The following ARID1B variants were observed in gnomAD, a reference collection of about 807,000 sequenced individuals.
ARID1B encodes AT-rich interaction domain 1B.
Under a neutral mutation model 212.3 loss-of-function variants are expected in ARID1B, and 30 were observed. The observed-to-expected ratio is 0.14, with a 90% confidence interval of 0.11 to 0.19. The LOEUF (loss-of-function observed/expected upper bound fraction) is 0.19. Ranked by LOEUF, ARID1B falls within the 10% of genes least tolerant of loss-of-function variation. The pLI is 1.00. For synonymous variants in ARID1B, 1,402 were observed against 1,301.7 expected (o/e 1.08, Z -1.66); for missense variants, 2,891 against 3,204.0 (o/e 0.90, Z 2.36).
chr6:156,946,059 T>A (rs1248048873), intron 4 of ARID1B, among the ~76,000 whole-genome samples: 2 of 151,604 alleles, frequency 1.3e-5, no homozygotes, highest in African/African-American at 2.4e-5. Flanking sequence ...AAACTGCTAG[T>A]AAAAGAAGAA....
chr6:157,138,834 T>C (rs1415632232), intron 7 of ARID1B, among the ~76,000 whole-genome samples: 1 of 152,240 alleles, frequency 6.6e-6, no homozygotes, highest in African/African-American at 2.4e-5. Context: ...TTCCTTCTTC[T>C]ATACTGTTAT....
intron 8 of ARID1B, among the ~76,000 whole-genome samples, chr6:157,161,435 A>G (rs1017254387): frequency 7.8e-4 from 112 of 143,296 alleles, no homozygotes; most frequent in African/African-American, 1.7e-3. Flanking sequence ...GTGTGTGTAT[A>G]TATATATATA....
intron 1 of ARID1B, among the ~76,000 whole-genome samples, chr6:156,780,733 A>G (rs759456951): frequency 6.6e-6 from 1 of 152,266 alleles, no homozygotes; most frequent in African/African-American, 2.4e-5. Flanking sequence ...AGAGGATCAA[A>G]TACAGAAAAA....
At chr6:156,855,448 A>G (rs1784848478) in intron 2 of ARID1B, among the ~76,000 whole-genome samples, 1 of 152,224 alleles carries the variant, frequency 6.6e-6, no homozygotes, top group Admixed American at 6.5e-5. Flanking sequence ...AAAACACTGC[A>G]GGCCCGTCCA....
Position 156,978,483 on chromosome 6 carries a change from C to A in ARID1B, c.2247+42907C>A, listed in dbSNP as rs541937805. On this transcript the variant is annotated intron_variant, in intron 4 of 19. Coordinates refer to ENST00000636930, the MANE Select transcript of ARID1B (RefSeq NM_001374828.1). ...CAAAAGGGAAACAGGATTTTGATTT[C>A]TTCATAGCTGTTATGGACAGAATTT... Among the ~76,000 whole-genome samples the A allele has an allele frequency of 9.8e-5, 15 of 152,302 alleles. No individual in the cohort carries two copies. The East Asian group carries it at 2.7e-3, about 27-fold the overall frequency.
intron 5 of ARID1B, chr6:157,107,663 A>G (rs186847125): frequency 1.3e-5 from 2 of 152,274 alleles, no homozygotes; most frequent in Admixed American, 1.3e-4. Flanking sequence ...ATTTTTTTCC[A>G]TTATGCTTAC....
intron 7 of ARID1B, among the ~76,000 whole-genome samples, chr6:157,133,461 G>T (rs903279702): frequency 2.0e-5 from 3 of 152,184 alleles, no homozygotes; most frequent in African/African-American, 7.2e-5. Flanking sequence ...TGTGTTACTA[G>T]TGAAGTAGGG....
chr6:157,121,254 AT>A (rs1787689505), intron 6 of ARID1B, among the ~76,000 whole-genome samples: 1 of 152,190 alleles, frequency 6.6e-6, no homozygotes, highest in African/African-American at 2.4e-5. Context: ...AACTGGACCC[AT>A]CCCTGGCGAT....
At chr6:157,165,826 G>A (rs1483687469) in intron 8 of ARID1B, among the ~76,000 whole-genome samples, 1 of 152,034 alleles carries the variant, frequency 6.6e-6, no homozygotes, top group Non-Finnish European at 1.5e-5. Context: ...CTTCAGCCTG[G>A]GCGACAGAAT....
chr6:157,176,588 A>G (rs957301914), intron 11 of ARID1B, among the ~76,000 whole-genome samples: 8 of 152,208 alleles, frequency 5.3e-5, no homozygotes, highest in Non-Finnish European at 1.2e-4. Context: ...GCTCACGCCT[A>G]TAATCCCAGC....
intron 4 of ARID1B, among the ~76,000 whole-genome samples, chr6:157,039,664 T>A (rs1583196476): frequency 2.1e-5 from 2 of 94,558 alleles, no homozygotes; most frequent in African/African-American, 4.0e-5. Flanking sequence ...CTTCCTTCCT[T>A]CCTTCCTTCC....
intron 4 of ARID1B, among the ~76,000 whole-genome samples, chr6:156,979,602 G>C (rs916359766): frequency 1.3e-5 from 2 of 151,838 alleles, no homozygotes; most frequent in Admixed American, 6.6e-5. Context: ...TCTGTCGCCA[G>C]GCTGGAGTGC....
chr6:157,145,030 G>A (rs866095227), intron 7 of ARID1B, among the ~76,000 whole-genome samples: 57 of 152,264 alleles, frequency 3.7e-4, no homozygotes, highest in African/African-American at 1.3e-3. Flanking sequence ...AGGTGTCTGC[G>A]CTGTGCCTCT....
chr6:157,135,134 T>C (rs1477561677), intron 7 of ARID1B, among the ~76,000 whole-genome samples: 1 of 151,990 alleles, frequency 6.6e-6, no homozygotes, highest in Non-Finnish European at 1.5e-5. Context: ...TATCATTGAA[T>C]GTGAAGACTC....
At chr6:156,931,961 T>TAAAAAAA (rs56102774) in intron 3 of ARID1B, among the ~76,000 whole-genome samples, 2 of 97,414 alleles carry the variant, frequency 2.1e-5, no homozygotes, top group Non-Finnish European at 4.0e-5. Context: ...GATTCCGTCT[T>TAAAAAAA]AAAAAAAAAA....
intron 2 of ARID1B, among the ~76,000 whole-genome samples, chr6:156,857,319 C>T (rs1444600780): frequency 1.3e-5 from 2 of 152,306 alleles, no homozygotes; most frequent in East Asian, 3.9e-4. Flanking sequence ...AGTGTCAGTG[C>T]CCTGGTCCCC....
In ARID1B at chr6:156,785,618, A is replaced by G. The variant is rs188113077; in HGVS notation, c.1791+6147A>G. 4.4e-3 allele frequency among the ~76,000 whole-genome samples: 669 copies of G among 152,092 alleles called. 2 individuals are homozygous for G. The highest frequency in any genetic ancestry group is 6.2e-3 in the Non-Finnish European group (423 of 68,020). On this transcript the variant is annotated intron_variant, in intron 1 of 19. Coordinates refer to ENST00000636930, the MANE Select transcript of ARID1B (RefSeq NM_001374828.1). ...CATACATTCCAGTGGCATTAAGTAC[A>G]TTGTCATTGTTGTGTGGCTGTCACC... is the stretch of plus-strand genomic sequence containing the variant.
Position 157,190,234 on chromosome 6 carries a change from C to G in ARID1B, c.4231+24C>G. The stretch of plus-strand genomic sequence containing the variant: ...AGGTACGTGTAGAGGGGCCTCCACC[C>G]GGCCATGGACCAGTGGGCATTCTAC... On this transcript the variant is annotated intron_variant, in intron 15 of 19. Transcript: ENST00000636930. The surrounding 1 kb of genome is among the most constrained non-coding windows in gnomAD (Gnocchi z 4.6). 6.3e-7 allele frequency: 1 copy of G among 1,590,592 alleles called. No individual in the cohort carries two copies. Among genetic ancestry groups the G allele is most frequent in the Non-Finnish European group, 8.5e-7 (1 of 1,172,040 alleles).
chr6:156,842,107 A>AT (rs1283077406), intron 2 of ARID1B, among the ~76,000 whole-genome samples: 1 of 152,188 alleles, frequency 6.6e-6, no homozygotes, highest in African/African-American at 2.4e-5. Context: ...ACTTAGAGGA[A>AT]TTTTTTTGAG....
Sources: gnomAD v4.1 joint callset for allele counts (sites outside exome capture counted in the v4.1 genomes callset) on GRCh38, gnomAD v4.1.1 for gene constraint, Gnocchi (gnomAD v3.1) non-coding constraint, MANE v1.5 for transcripts, NCBI Gene and HGNC (gene_info 2026-07-23, HGNC 2026-07-21) for gene names.